Variants in ABLIM1 observed in about 807,000 individuals in gnomAD.
ABLIM1 encodes the protein actin-binding LIM protein 1.
A neutral mutation model predicts 107.0 loss-of-function variants in ABLIM1; 40 were observed. The observed-to-expected ratio is 0.37, with a 90% CI of 0.29 to 0.49. ABLIM1 has a LOEUF of 0.49. Among genes scored for constraint, ABLIM1 ranks in the 20% least tolerant of loss-of-function variants. The pLI, the probability that ABLIM1 is intolerant of heterozygous loss-of-function variation, is 0.97. For synonymous variants in ABLIM1, 357 were observed against 357.3 expected (o/e 1.00, Z 0.01); for missense variants, 857 against 1,008.5 (o/e 0.85, Z 2.04).
chr10:114,754,310 G>A (rs959071338), intron 1 of ABLIM1, among the ~76,000 whole-genome samples: 10 of 152,186 alleles, frequency 6.6e-5, no homozygotes, highest in South Asian at 2.1e-4. Context: ...CCAGCAAACC[G>A]TGAATTTCTT....
At chr10:114,694,083 A>G (rs2081145757) in intron 1 of ABLIM1, among the ~76,000 whole-genome samples, 1 of 152,258 alleles carries the variant, frequency 6.6e-6, no homozygotes, top group Non-Finnish European at 1.5e-5. Flanking sequence ...AGTACTCCAG[A>G]AGTAAATCAA....
At position 114,486,316 on chromosome 10, in the gene ABLIM1, G is replaced by A. The variant is rs554158874; in HGVS notation, c.1041+1642C>T. On this transcript the variant is annotated intron_variant, in intron 8 of 22. Transcript: ENST00000533213. The stretch of plus-strand genomic sequence containing the variant: ...GCATTCCTCTCTTCATCTCCCAAAC[G>A]ACTTCATCAGAGATGAAGTTAAAAT... Among the ~76,000 whole-genome samples, 3 of 152,172 alleles carry A rather than the reference G, an allele frequency of 2.0e-5. No homozygotes were observed. In the East Asian group the frequency reaches 5.8e-4, roughly 29 times the overall value.
chr10:114,650,006 C>T (rs1007839668), intron 1 of ABLIM1, among the ~76,000 whole-genome samples: 24 of 152,274 alleles, frequency 1.6e-4, no homozygotes, highest in African/African-American at 5.8e-4. Context: ...CAGGCGCCCA[C>T]CACCATGCCA....
chr10:114,511,585 A>G (rs886498004), intron 6 of ABLIM1, among the ~76,000 whole-genome samples: 14 of 152,030 alleles, frequency 9.2e-5, no homozygotes, highest in African/African-American at 3.1e-4. Context: ...AGGCTGTCTC[A>G]AACTCCTGAC....
At chr10:114,686,045 G>T (rs1423044140), upstream of ABLIM1, among the ~76,000 whole-genome samples, 2 of 152,180 alleles carry the variant, frequency 1.3e-5, no homozygotes, top group African/African-American at 4.8e-5. Context: ...CATTGCATTG[G>T]TTCCTTGCCT....
At chr10:114,772,106 T>C (rs1270248564), upstream of ABLIM1, among the ~76,000 whole-genome samples, 1 of 152,092 alleles carries the variant, frequency 6.6e-6, no homozygotes, top group Non-Finnish European at 1.5e-5. Flanking sequence ...TGGTTTTTAA[T>C]CAAATACCTT....
At chr10:114,588,606 T>C (rs2074465637) in intron 2 of ABLIM1, among the ~76,000 whole-genome samples, 1 of 144,362 alleles carries the variant, frequency 6.9e-6, no homozygotes, top group South Asian at 2.4e-4. Context: ...GCAATTCTCC[T>C]TCCTCAGCCT....
intron 6 of ABLIM1, among the ~76,000 whole-genome samples, chr10:114,503,534 A>G (rs1265488620): frequency 6.6e-6 from 1 of 152,154 alleles, no homozygotes; most frequent in African/African-American, 2.4e-5. Flanking sequence ...AATTATATAC[A>G]TATTTCAGTT....
At chr10:114,438,943 A>G (rs1379677306) in intron 21 of ABLIM1, among the ~76,000 whole-genome samples, 1 of 152,278 alleles carries the variant, frequency 6.6e-6, no homozygotes, top group Non-Finnish European at 1.5e-5. Flanking sequence ...CCTTGGTCAT[A>G]GGCAGAGAGG....
intron 1 of ABLIM1, among the ~76,000 whole-genome samples, chr10:114,737,194 T>C (rs112464821): frequency 0.056 from 8,474 of 152,128 alleles, 356 homozygotes; most frequent in African/African-American, 0.12. Flanking sequence ...TGTAATAGCA[T>C]GCGCCTGTAA....
chr10:114,589,974 C>T (rs1446062912), intron 2 of ABLIM1, among the ~76,000 whole-genome samples: 2 of 152,170 alleles, frequency 1.3e-5, no homozygotes, highest in African/African-American at 4.8e-5. Flanking sequence ...GCCCTGTAAG[C>T]TCCATTCGTG....
chr10:114,729,566 A>AC (rs1291031583), intron 1 of ABLIM1, among the ~76,000 whole-genome samples: 1 of 152,122 alleles, frequency 6.6e-6, no homozygotes, highest in Non-Finnish European at 1.5e-5. Context: ...TGCCCTAAGG[A>AC]CACAGGACAT....
intron 4 of ABLIM1, among the ~76,000 whole-genome samples, chr10:114,557,837 C>CAA (rs11340316): frequency 2.9e-4 from 40 of 136,420 alleles, no homozygotes; most frequent in East Asian, 1.5e-3. Flanking sequence ...TTATGACTCT[C>CAA]AAAAAAAAAA....
chr10:114,453,344 C>T (rs1289922798), intron 13 of ABLIM1, 35 bp downstream of exon 13: 2 of 1,602,498 alleles, frequency 1.2e-6, no homozygotes, highest in Admixed American at 1.7e-5. Flanking sequence ...TACACTGTGA[C>T]AGGACACCAA....
chr10:114,465,520 T>C (rs1438303003), intron 12 of ABLIM1, 178 bp downstream of exon 12: 14 of 625,564 alleles, frequency 2.2e-5, no homozygotes, highest in Non-Finnish European at 3.3e-5. Flanking sequence ...TTAGGATGAC[T>C]GATGTTTCAA....
At chr10:114,631,130 A>G (rs2078145888) in intron 1 of ABLIM1, among the ~76,000 whole-genome samples, 1 of 152,232 alleles carries the variant, frequency 6.6e-6, no homozygotes, top group Admixed American at 6.5e-5. Context: ...AGGTGTGTTT[A>G]TATATTACTT....
intron 17 of ABLIM1, among the ~76,000 whole-genome samples, chr10:114,442,476 C>A (rs972586231): frequency 6.6e-6 from 1 of 152,222 alleles, no homozygotes; most frequent in East Asian, 1.9e-4. Context: ...CTCATTTCTT[C>A]ATCTATGCAG....
At chr10:114,593,417 T>A (rs1421787676) in intron 2 of ABLIM1, among the ~76,000 whole-genome samples, 2 of 152,276 alleles carry the variant, frequency 1.3e-5, no homozygotes, top group South Asian at 4.1e-4. Flanking sequence ...GCAGGCAGCA[T>A]GAGTTTTGTA....
intron 1 of ABLIM1, among the ~76,000 whole-genome samples, chr10:114,631,181 C>T (rs1387189761): frequency 1.3e-5 from 2 of 152,184 alleles, no homozygotes; most frequent in East Asian, 1.9e-4. Flanking sequence ...TTTCACATTT[C>T]CCGGAGAAAC....
Sources: gnomAD v4.1 joint callset for allele counts (sites outside exome capture counted in the v4.1 genomes callset) on GRCh38, gnomAD v4.1.1 for gene constraint, MANE v1.5 for transcripts, NCBI Gene and HGNC (gene_info 2026-07-23, HGNC 2026-07-21) for gene names.